The following AJAP1 variants were observed in gnomAD, a reference collection of about 807,000 sequenced individuals.
AJAP1 encodes the protein adherens junctions associated protein 1, also known as adherens junction-associated protein 1.
A neutral mutation model predicts 35.0 loss-of-function variants in AJAP1; 5 were observed. The observed-to-expected ratio is 0.14, with a 90% CI of 0.07 to 0.30. The LOEUF (loss-of-function observed/expected upper bound fraction) is 0.30, where lower values mean the gene tolerates loss of function less well. AJAP1 is among the 10% of genes least tolerant of loss of function. AJAP1 has a pLI of 1.00. For synonymous variants in AJAP1, 284 were observed against 249.3 expected, an observed-to-expected ratio of 1.14 and a Z score of -1.31; for missense variants, 586 against 571.0, an observed-to-expected ratio of 1.03 and a Z score of -0.27.
intron 1 of AJAP1, among the ~76,000 whole-genome samples, chr1:4,700,326 TG>T (rs1361416629): frequency 1.3e-5 from 2 of 152,122 alleles, no homozygotes; most frequent in Non-Finnish European, 2.9e-5. Context: ...GGATGTACCC[TG>T]GGGTCTTCCA....
At chr1:4,739,718 T>C (rs1309843514) in intron 2 of AJAP1, among the ~76,000 whole-genome samples, 3 of 151,952 alleles carry the variant, frequency 2.0e-5, no homozygotes, top group African/African-American at 7.3e-5. Context: ...CTGTTTTTGG[T>C]TGTTGTTTTT....
At chr1:4,763,137 C>T (rs1641609639) in intron 2 of AJAP1, among the ~76,000 whole-genome samples, 1 of 152,204 alleles carries the variant, frequency 6.6e-6, no homozygotes, top group Admixed American at 6.5e-5. Flanking sequence ...CCTCAGAGGC[C>T]TCTGCCAGCA....
chr1:4,721,839 T>C (rs1640522837), intron 2 of AJAP1, among the ~76,000 whole-genome samples: 1 of 152,202 alleles, frequency 6.6e-6, no homozygotes, highest in African/African-American at 2.4e-5. Context: ...ATAATCTGTG[T>C]TTTAAAAGCT....
chr1:4,691,957 A>C (rs891163915), intron 1 of AJAP1, among the ~76,000 whole-genome samples: 1 of 152,102 alleles, frequency 6.6e-6, no homozygotes, highest in African/African-American at 2.4e-5. Context: ...TCCAGGGCTC[A>C]GAAGAGGGTG....
chr1:4,781,101 G>T (rs1043081073), intron 5 of AJAP1, among the ~76,000 whole-genome samples: 1 of 152,180 alleles, frequency 6.6e-6, no homozygotes, highest in Non-Finnish European at 1.5e-5. Context: ...CAGAGACGCA[G>T]TGCTGATGAT....
In AJAP1 at chr1:4,681,905, T is replaced by A. The variant is rs563904989; in HGVS notation, c.29+26451T>A. ...ACAGCAGCCTCTGGGAAAGCTTCTC[T>A]GGAGCCTGCCAGTTCCAGGTGCTGC... On this transcript the variant is annotated intron_variant, in intron 1 of 5. Coordinates refer to ENST00000378191, the MANE Select transcript of AJAP1 (RefSeq NM_018836.4). Among the ~76,000 whole-genome samples, 78 of 152,348 alleles carry A rather than the reference T, an allele frequency of 5.1e-4. 1 individual carries two copies. The highest frequency in any genetic ancestry group is 3.9e-3 in the South Asian group (19 of 4,824).
intron 2 of AJAP1, among the ~76,000 whole-genome samples, chr1:4,727,529 A>G (rs1232753971): frequency 2.0e-5 from 3 of 152,162 alleles, no homozygotes; most frequent in Non-Finnish European, 4.4e-5. Context: ...GTCTGCCTCT[A>G]CAACCATATT....
At chr1:4,724,655 A>C (rs1325427509) in intron 2 of AJAP1, among the ~76,000 whole-genome samples, 1 of 146,244 alleles carries the variant, frequency 6.8e-6, no homozygotes, top group Admixed American at 6.7e-5. Flanking sequence ...CCGCAACAAA[A>C]CTCACACCCC....
At chr1:4,759,512 C>T (rs758981929) in intron 2 of AJAP1, among the ~76,000 whole-genome samples, 6 of 152,198 alleles carry the variant, frequency 3.9e-5, no homozygotes, top group Admixed American at 6.5e-5. Context: ...TCTTCTGCTC[C>T]AGGGAGCTGG....
chr1:4,741,904 C>T (rs1411894823), intron 2 of AJAP1, among the ~76,000 whole-genome samples: 1 of 152,238 alleles, frequency 6.6e-6, no homozygotes, highest in East Asian at 1.9e-4. Context: ...GGGGCTCCCA[C>T]TGGCCAAATC....
chr1:4,662,460 G>A (rs911636087), intron 1 of AJAP1, among the ~76,000 whole-genome samples: 13 of 152,214 alleles, frequency 8.5e-5, no homozygotes, highest in Admixed American at 3.3e-4. Flanking sequence ...CAGACATCCC[G>A]TTGGCTTGCC....
chr1:4,659,921 T>C (rs2100502018), intron 1 of AJAP1, among the ~76,000 whole-genome samples: 1 of 152,252 alleles, frequency 6.6e-6, no homozygotes, highest in African/African-American at 2.4e-5. Context: ...GACCCAAAAA[T>C]CACTACCCCT....
intron 2 of AJAP1, among the ~76,000 whole-genome samples, chr1:4,739,050 G>A (rs75801608): frequency 0.17 from 26,306 of 152,048 alleles, 2,925 homozygotes; most frequent in Admixed American, 0.3. Flanking sequence ...CCTCTCTCCC[G>A]GGAGATTGCA....
At chr1:4,733,154 CT>C (rs1411118266) in intron 2 of AJAP1, among the ~76,000 whole-genome samples, 2 of 152,134 alleles carry the variant, frequency 1.3e-5, no homozygotes. Flanking sequence ...CCCCCTTCTA[CT>C]CTTAGAATTA....
intron 2 of AJAP1, among the ~76,000 whole-genome samples, chr1:4,757,495 C>G (rs976497105): frequency 1.3e-5 from 2 of 152,184 alleles, no homozygotes; most frequent in East Asian, 3.9e-4. Context: ...CAACACTGGC[C>G]CAGCCCACAG....
chr1:4,701,394 C>A (rs1639986811), intron 1 of AJAP1, among the ~76,000 whole-genome samples: 1 of 152,208 alleles, frequency 6.6e-6, no homozygotes, highest in Non-Finnish European at 1.5e-5. Flanking sequence ...AAAGCCGTCT[C>A]ATGTCACCCC....
At chr1:4,751,971 T>A (rs1328049758) in intron 2 of AJAP1, among the ~76,000 whole-genome samples, 1 of 152,102 alleles carries the variant, frequency 6.6e-6, no homozygotes. Context: ...AACCAGACCT[T>A]CTTATGCCAG....
chr1:4,751,234 A>G (rs1641313797), intron 2 of AJAP1, among the ~76,000 whole-genome samples: 1 of 152,154 alleles, frequency 6.6e-6, no homozygotes, highest in Non-Finnish European at 1.5e-5. Context: ...TGACCTGGGA[A>G]GGATCCAGCC....
At position 4,656,043 on chromosome 1, in the gene AJAP1, G is replaced by T. The variant is rs148251482; in HGVS notation, c.29+589G>T. On this transcript the variant is annotated intron_variant, in intron 1 of 5. Coordinates refer to ENST00000378191, the MANE Select transcript of AJAP1 (RefSeq NM_018836.4). This position sits in a 1 kb window ranked among gnomAD's most constrained non-coding sequence, Gnocchi z 5.7. Reference sequence around the variant, plus strand: ...CCTCCGGGCCCGACGGGCGCTCACAGCTGGCGGGCAGCTGGGGCGGGAGAG... The same window carrying T: ...CCTCCGGGCCCGACGGGCGCTCACATCTGGCGGGCAGCTGGGGCGGGAGAG... 8.6e-3 allele frequency among the ~76,000 whole-genome samples: 1,303 copies of T among 152,168 alleles called. 20 individuals carry two copies. Among genetic ancestry groups the T allele is most frequent in the African/African-American group, 0.03 (1,236 of 41,520 alleles).
Sources: gnomAD v4.1 joint callset for allele counts (sites outside exome capture counted in the v4.1 genomes callset) on GRCh38, gnomAD v4.1.1 for gene constraint, Gnocchi (gnomAD v3.1) non-coding constraint, MANE v1.5 for transcripts, NCBI Gene and HGNC (gene_info 2026-07-23, HGNC 2026-07-21) for gene names.